The following GPC6 variants were observed in gnomAD, a reference collection of about 807,000 sequenced individuals.
The protein encoded by GPC6 is glypican-6.
Under a neutral mutation model 55.2 loss-of-function variants are expected in GPC6, and 14 were observed. That is an observed-to-expected ratio of 0.25 (90% confidence interval 0.17 to 0.40). The LOEUF is 0.40. Among genes scored for constraint, GPC6 ranks in the 10% least tolerant of loss-of-function variants. GPC6 has a pLI of 1.00. For missense variants in GPC6, 641 were observed against 708.5 expected, an observed-to-expected ratio of 0.90 and a Z score of 1.08; for synonymous variants, 278 against 259.6, an observed-to-expected ratio of 1.07 and a Z score of -0.68.
chr13:94,044,626 T>C (rs971830919), intron 4 of GPC6, among the ~76,000 whole-genome samples: 2 of 151,902 alleles, frequency 1.3e-5, no homozygotes, highest in African/African-American at 2.4e-5. Flanking sequence ...AGGATGTATC[T>C]TCAGAACAGA....
At chr13:93,867,205 A>G (rs1356017883) in intron 3 of GPC6, among the ~76,000 whole-genome samples, 1 of 151,764 alleles carries the variant, frequency 6.6e-6, no homozygotes, top group African/African-American at 2.4e-5. Context: ...GTCTTTGGAC[A>G]ACAGTGTTAT....
chr13:94,355,984 A>T (rs1376611635), intron 6 of GPC6, among the ~76,000 whole-genome samples: 1 of 151,594 alleles, frequency 6.6e-6, no homozygotes, highest in Non-Finnish European at 1.5e-5. Flanking sequence ...CCATGTGTCC[A>T]TGTATTTTTA....
intron 7 of GPC6, among the ~76,000 whole-genome samples, chr13:94,397,868 C>T (rs1880959325): frequency 6.6e-6 from 1 of 152,114 alleles, no homozygotes; most frequent in Admixed American, 6.6e-5. Context: ...TCCATAATCC[C>T]CAAGTGTCAT....
chr13:93,758,335 C>T (rs981862424), intron 2 of GPC6, among the ~76,000 whole-genome samples: 1 of 152,146 alleles, frequency 6.6e-6, no homozygotes, highest in African/African-American at 2.4e-5. Flanking sequence ...AGTGTTATGA[C>T]TGAGGTATTG....
chr13:94,330,025 T>G (rs769308117), intron 6 of GPC6, among the ~76,000 whole-genome samples: 2 of 152,180 alleles, frequency 1.3e-5, no homozygotes, highest in African/African-American at 2.4e-5. Context: ...GTTGCTTTCA[T>G]GAAGAAATAG....
intron 1 of GPC6, among the ~76,000 whole-genome samples, chr13:93,324,084 A>G (rs1025393394): frequency 2.0e-5 from 3 of 152,228 alleles, no homozygotes; most frequent in Non-Finnish European, 4.4e-5. Context: ...AATGTGGTAC[A>G]TATACATAGT....
chr13:93,752,574 T>C (rs1400539165), intron 2 of GPC6, among the ~76,000 whole-genome samples: 1 of 152,128 alleles, frequency 6.6e-6, no homozygotes, highest in East Asian at 1.9e-4. Flanking sequence ...AGAATCTAAT[T>C]GATATCTTTG....
intron 2 of GPC6, among the ~76,000 whole-genome samples, chr13:93,639,203 C>T (rs964004139): frequency 5.3e-5 from 8 of 152,022 alleles, no homozygotes; most frequent in African/African-American, 1.9e-4. Context: ...TCAGGGAAGC[C>T]TCACTGGAGA....
At chr13:93,459,123 A>G (rs990204902) in intron 1 of GPC6, among the ~76,000 whole-genome samples, 1 of 152,182 alleles carries the variant, frequency 6.6e-6, no homozygotes, top group Non-Finnish European at 1.5e-5. Context: ...CAGTGGTGCC[A>G]TCATAGCTCA....
At chr13:93,512,202 C>T (rs926970901) in intron 1 of GPC6, among the ~76,000 whole-genome samples, 1 of 152,034 alleles carries the variant, frequency 6.6e-6, no homozygotes, top group Non-Finnish European at 1.5e-5. Context: ...GCTAAGACTT[C>T]CAGGGCTATA....
In GPC6 at chr13:94,396,983, C is replaced by T. The variant is rs117585742; in HGVS notation, c.1290-1483C>T. Among the ~76,000 whole-genome samples the T allele has an allele frequency of 8.8e-3, 1,336 of 152,262 alleles. 5 individuals are homozygous for T. The highest frequency in any genetic ancestry group is 0.014 in the Non-Finnish European group (934 of 68,028). ...AACAAGGATAAAATACTCCCCATCTCCTAGATTTGCTGTTGGGCTGAATTT... is the reference window on the plus strand; with the variant it reads ...AACAAGGATAAAATACTCCCCATCTTCTAGATTTGCTGTTGGGCTGAATTT... On this transcript the variant is annotated intron_variant, in intron 7 of 8. Coordinates refer to ENST00000377047, the MANE Select transcript of GPC6 (RefSeq NM_005708.5).
At chr13:94,132,760 A>G (rs1187820581) in intron 4 of GPC6, among the ~76,000 whole-genome samples, 1 of 152,190 alleles carries the variant, frequency 6.6e-6, no homozygotes, top group African/African-American at 2.4e-5. Flanking sequence ...TTAGTTTCTC[A>G]GATTAGATCA....
chr13:94,012,674 C>T (rs1594665487), intron 3 of GPC6, among the ~76,000 whole-genome samples: 1 of 152,312 alleles, frequency 6.6e-6, no homozygotes, highest in East Asian at 1.9e-4. Context: ...CAGCTACTTA[C>T]ACTAGGTGTT....
chr13:93,297,222 C>T (rs1046618287), intron 1 of GPC6, among the ~76,000 whole-genome samples: 2 of 152,044 alleles, frequency 1.3e-5, no homozygotes, highest in African/African-American at 2.4e-5. Context: ...TCTTCTAGGC[C>T]GGGAGTTCAA....
At chr13:93,387,971 G>A (rs1875470009) in intron 1 of GPC6, among the ~76,000 whole-genome samples, 1 of 152,000 alleles carries the variant, frequency 6.6e-6, no homozygotes, top group African/African-American at 2.4e-5. Flanking sequence ...TATCACATGT[G>A]ACTATCTGAA....
chr13:93,895,716 A>G lies in GPC6; in HGVS notation c.711+65171A>G, dbSNP rs1488256702. On this transcript the variant is annotated intron_variant, in intron 3 of 8. Transcript: ENST00000377047. Reference sequence around the variant, plus strand: ...ATGCCACTTAATGTTATGGAAAAGTAACCTGCTATTACTGTTCTGCAAGAA... The same window carrying G: ...ATGCCACTTAATGTTATGGAAAAGTGACCTGCTATTACTGTTCTGCAAGAA... Among the ~76,000 whole-genome samples, 8 of 152,096 alleles carry G rather than the reference A, an allele frequency of 5.3e-5. No individual in the cohort carries two copies. In the South Asian group the frequency reaches 1.4e-3, roughly 28 times the overall value.
At chr13:94,358,402 T>C (rs1406328942) in intron 6 of GPC6, among the ~76,000 whole-genome samples, 1 of 152,126 alleles carries the variant, frequency 6.6e-6, no homozygotes, top group Non-Finnish European at 1.5e-5. Context: ...TTTTTTTTAA[T>C]TACTGCAATC....
At chr13:94,002,702 T>C (rs1881858776) in intron 3 of GPC6, among the ~76,000 whole-genome samples, 2 of 152,098 alleles carry the variant, frequency 1.3e-5, no homozygotes, top group Non-Finnish European at 2.9e-5. Context: ...GAAAAAAAAC[T>C]CCCTGTCTTG....
chr13:93,880,668 A>T (rs1309575228), intron 3 of GPC6, among the ~76,000 whole-genome samples: 2 of 152,092 alleles, frequency 1.3e-5, no homozygotes, highest in Non-Finnish European at 2.9e-5. Flanking sequence ...TACATATGTA[A>T]CTAACCTGCA....
Sources: gnomAD v4.1 joint callset for allele counts (sites outside exome capture counted in the v4.1 genomes callset) on GRCh38, gnomAD v4.1.1 for gene constraint, MANE v1.5 for transcripts, NCBI Gene and HGNC (gene_info 2026-07-23, HGNC 2026-07-21) for gene names.